The following RNF217 variants were observed in gnomAD, a reference collection of about 807,000 sequenced individuals.
RNF217 encodes E3 ubiquitin-protein ligase RNF217.
Under a neutral mutation model 57.8 loss-of-function variants are expected in RNF217, and 31 were observed. The ratio of observed to expected loss-of-function variants is 0.54; its 90% confidence interval spans 0.40 to 0.72. The LOEUF (loss-of-function observed/expected upper bound fraction) is 0.72. Among genes scored for constraint, RNF217 ranks in the 30% least tolerant of loss-of-function variants. RNF217 has a pLI of 0.00. For missense variants in RNF217, 696 were observed against 708.3 expected, an observed-to-expected ratio of 0.98 and a Z score of 0.20; for synonymous variants, 313 against 294.0, an observed-to-expected ratio of 1.06 and a Z score of -0.66.
Position 125,076,809 on chromosome 6 carries a change from CCT to C in RNF217, c.1436_1437del (p.Leu479ProfsTer51). On this transcript the variant is annotated frameshift_variant, in exon 4 of 6. Coordinates refer to ENST00000521654, the MANE Select transcript of RNF217 (RefSeq NM_001286398.3). LOFTEE classifies it high-confidence loss of function. ...LSIFGCKYRYLPERPHLRRLV... is the reference protein window; with the variant it reads ...LSIFGCKYRYXPERPHLRRLV... ...GTATATTTGGATGCAAATATCGCTA[CCT>C]CCCAGAGAGACCTCATTTAAGGAGA... is the stretch of plus-strand genomic sequence containing the variant. 4 of 1,613,642 alleles carry C rather than the reference CCT, an allele frequency of 2.5e-6. No homozygotes were observed. The highest frequency in any genetic ancestry group is 3.4e-6 in the Non-Finnish European group (4 of 1,179,742).
intron 1 of RNF217, among the ~76,000 whole-genome samples, chr6:124,986,125 TATA>T (rs1261196787): frequency 6.6e-6 from 1 of 152,138 alleles, no homozygotes; most frequent in East Asian, 1.9e-4. Flanking sequence ...ATTAGAGGAG[TATA>T]ATTCAGATTG....
intron 3 of RNF217, among the ~76,000 whole-genome samples, chr6:125,063,978 T>A (rs1787846124): frequency 6.6e-6 from 1 of 152,194 alleles, no homozygotes; most frequent in Non-Finnish European, 1.5e-5. Context: ...ATGAATAATC[T>A]TCCCCTGTTC....
Position 124,962,991 on chromosome 6 carries a change from G to T in RNF217, c.447G>T (p.Val149=), listed in dbSNP as rs901834696. 1.9e-6 allele frequency: 3 copies of T among 1,596,806 alleles called. No individual in the cohort carries two copies. The highest frequency in any genetic ancestry group is 2.5e-6 in the Non-Finnish European group (3 of 1,179,174). Residue 149 remains valine, a synonymous_variant, in exon 1 of 6, where the codon GTG becomes GTT. Coordinates refer to ENST00000521654, the MANE Select transcript of RNF217 (RefSeq NM_001286398.3). The surrounding 1 kb of genome is among the most constrained non-coding windows in gnomAD (Gnocchi z 4.6). ...VGAADGLVLD[V]LGQRRPSLAK... is the part of the protein sequence containing the mutation. ...CCGCCGACGGACTGGTCCTGGACGT[G>T]CTGGGTCAGCGGCGCCCGTCCCTCG...
intron 3 of RNF217, among the ~76,000 whole-genome samples, chr6:125,071,612 A>G (rs900240171): frequency 6.6e-6 from 1 of 151,720 alleles, no homozygotes; most frequent in Non-Finnish European, 1.5e-5. Flanking sequence ...TGTCATTTCC[A>G]TCTACTACAA....
intron 2 of RNF217, chr6:125,048,173 A>T: frequency 1.5e-6 from 2 of 1,338,868 alleles, no homozygotes; most frequent in South Asian, 1.2e-5. Flanking sequence ...ACTGACATGG[A>T]TACCCCAGCC....
At chr6:125,074,821 T>G (rs1788304116) in intron 3 of RNF217, among the ~76,000 whole-genome samples, 1 of 152,188 alleles carries the variant, frequency 6.6e-6, no homozygotes, top group South Asian at 2.1e-4. Context: ...TGGCTAAGAC[T>G]TGACTGACAA....
At chr6:125,012,764 CTTTAA>C (rs1562467468) in intron 1 of RNF217, among the ~76,000 whole-genome samples, 1 of 152,012 alleles carries the variant, frequency 6.6e-6, no homozygotes, top group Non-Finnish European at 1.5e-5. Context: ...AGATGTGATG[CTTTAA>C]TTTGATTTGA....
intron 3 of RNF217, 146 bp from the exon 4 acceptor site, chr6:125,076,511 T>C: frequency 3.2e-6 from 2 of 620,792 alleles, no homozygotes; most frequent in South Asian, 3.9e-5. Context: ...GAGGGTATGA[T>C]TATAAGCAAA....
chr6:125,067,993 C>T (rs985519083), intron 3 of RNF217, among the ~76,000 whole-genome samples: 3 of 152,084 alleles, frequency 2.0e-5, no homozygotes, highest in African/African-American at 7.2e-5. Context: ...TTAAGTGACA[C>T]AGAGCTACAA....
chr6:125,017,345 A>G (rs952334878), intron 1 of RNF217, among the ~76,000 whole-genome samples: 3 of 152,164 alleles, frequency 2.0e-5, no homozygotes, highest in African/African-American at 7.2e-5. Context: ...GTGGGGATTA[A>G]TTGGTAGTTG....
intron 1 of RNF217, among the ~76,000 whole-genome samples, chr6:125,022,500 T>G (rs951200294): frequency 6.6e-6 from 1 of 152,174 alleles, no homozygotes; most frequent in Admixed American, 6.5e-5. Flanking sequence ...ATCTCTGCCC[T>G]TTTTCTTTCA....
intron 3 of RNF217, among the ~76,000 whole-genome samples, chr6:125,074,871 T>G (rs984006282): frequency 6.6e-6 from 1 of 152,214 alleles, no homozygotes; most frequent in African/African-American, 2.4e-5. Flanking sequence ...CACTTGTTAA[T>G]TGTAAAACTC....
intron 1 of RNF217, among the ~76,000 whole-genome samples, chr6:124,986,797 A>T (rs1420921075): frequency 6.6e-6 from 1 of 152,176 alleles, no homozygotes; most frequent in Non-Finnish European, 1.5e-5. Context: ...TTATTGAGAA[A>T]ATTGAAAATA....
chr6:125,088,902 C>G lies in RNF217; in HGVS notation c.*5965C>G, dbSNP rs1788855072. The G allele has an allele frequency of 6.6e-5, 10 of 152,552 alleles. No individual in the cohort carries two copies. The highest frequency in any genetic ancestry group is 5.9e-4 in the Admixed American group (9 of 15,270). The allele number at this position is 152,552 out of a possible 1,614,324, so 9.4% of individuals were successfully genotyped here. ...TACCCACATACTACAACATCAAGCT[C>G]CTTTTTCTCTTAAATTTCCTAATTA... On this transcript the variant is annotated 3_prime_UTR_variant, in exon 6 of 6. Transcript: ENST00000521654.
intron 1 of RNF217, among the ~76,000 whole-genome samples, chr6:125,010,913 A>G (rs1158868447): frequency 6.6e-6 from 1 of 152,154 alleles, no homozygotes; most frequent in Admixed American, 6.5e-5. Flanking sequence ...TAAATACTCA[A>G]AATTTCAGTT....
intron 3 of RNF217, among the ~76,000 whole-genome samples, chr6:125,063,677 TATAAC>T (rs5879766): frequency 0.4 from 60,130 of 151,452 alleles, 12,422 homozygotes; most frequent in Non-Finnish European, 0.48. Flanking sequence ...GCACAATAAT[TATAAC>T]ATAACAGGAT....
chr6:124,994,943 T>A (rs1784692889), intron 1 of RNF217, among the ~76,000 whole-genome samples: 1 of 152,202 alleles, frequency 6.6e-6, no homozygotes. Flanking sequence ...GATCCAGGAA[T>A]AGACAACTTT....
chr6:125,045,586 A>T, intron 2 of RNF217, 142 bp downstream of exon 2: 1 of 633,044 alleles, frequency 1.6e-6, no homozygotes, highest in Non-Finnish European at 2.8e-6. Flanking sequence ...TTCTGAAAGC[A>T]TATGGTTTGG....
chr6:125,058,445 C>A (rs193106624), intron 3 of RNF217, among the ~76,000 whole-genome samples: 162 of 152,206 alleles, frequency 1.1e-3, no homozygotes, highest in Admixed American at 2.4e-3. Flanking sequence ...TAGTCTGCCA[C>A]GTGTACTATA....
Sources: gnomAD v4.1 joint callset for allele counts (sites outside exome capture counted in the v4.1 genomes callset) on GRCh38, gnomAD v4.1.1 for gene constraint, Gnocchi (gnomAD v3.1) non-coding constraint, MANE v1.5 for transcripts, NCBI Gene and HGNC (gene_info 2026-07-23, HGNC 2026-07-21) for gene names.